VARS1: variants seen among roughly 807,000 people sequenced by gnomAD.
VARS1 encodes the protein valyl-tRNA synthetase 1.
A neutral mutation model predicts 161.0 loss-of-function variants in VARS1; 92 were observed. The ratio of observed to expected loss-of-function variants is 0.57; its 90% CI spans 0.48 to 0.68. The LOEUF (loss-of-function observed/expected upper bound fraction) is 0.68, where lower values mean the gene tolerates loss of function less well. Among genes scored for constraint, VARS1 ranks in the 30% least tolerant of loss-of-function variants. The pLI is 0.00. For synonymous variants in VARS1, 595 were observed against 682.5 expected, an observed-to-expected ratio of 0.87 and a Z score of 2.00; for missense variants, 1,338 against 1,695.9, an observed-to-expected ratio of 0.79 and a Z score of 3.71.
Position 31,791,664 on chromosome 6 carries a change from G to C in VARS1, c.1046C>G (p.Ser349Cys), listed in dbSNP as rs1274865582. Residue 349 changes from serine (S) to cysteine (C), a missense_variant, in exon 8 of 30, where the codon TCC becomes TGC. This residue lies in a region of VARS1 where 902 missense variants were observed against 1,090.3 expected (regional missense o/e 0.83). Transcript: ENST00000375663. This position sits in a 1 kb window ranked among gnomAD's most constrained non-coding sequence, Gnocchi z 5.0. ...MCIPPPNVTGSLHLGHALTNA... is the reference protein window; with the variant it reads ...MCIPPPNVTGCLHLGHALTNA... Reference sequence around the variant, plus strand: ...GGTGAGTGCATGGCCCAGGTGCAGGGAGCCTGTCACATTGGGGGGTGGGAT... The same window carrying C: ...GGTGAGTGCATGGCCCAGGTGCAGGCAGCCTGTCACATTGGGGGGTGGGAT... The C allele has an allele frequency of 6.2e-7, 1 of 1,613,018 alleles. No individual in the cohort carries two copies. Among genetic ancestry groups the C allele is most frequent in the Non-Finnish European group, 8.5e-7 (1 of 1,179,994 alleles).
In VARS1 at chr6:31,778,717, G is replaced by A. The variant is rs1812900909; in HGVS notation, c.3726+250C>T. On this transcript the variant is annotated intron_variant, in intron 29 of 29. Coordinates refer to ENST00000375663, the MANE Select transcript of VARS1 (RefSeq NM_006295.3). The surrounding 1 kb of genome is among the most constrained non-coding windows in gnomAD (Gnocchi z 5.1). ...TGTAGAGATGGGATTTCACCATGTTGGCTGGTCTCAAACCCCTGGGCTCAA... is the reference window on the plus strand; with the variant it reads ...TGTAGAGATGGGATTTCACCATGTTAGCTGGTCTCAAACCCCTGGGCTCAA... 1 of 571,174 alleles carries A rather than the reference G, an allele frequency of 1.8e-6. No homozygotes were observed. The highest frequency in any genetic ancestry group is 3.4e-5 in the Admixed American group (1 of 29,768). 35.4% of individuals were successfully genotyped at this position (571,174 alleles called of 1,614,324 possible).
rs371919645 is a variant in VARS1, at chr6:31,781,471, G to A, written c.2544+10C>T. ...TGGGGGCGATGGGAGGGTCTCGGCT[G>A]TCTCCGCACCTCTCTAAAGGGCAGC... is the stretch of plus-strand genomic sequence containing the variant. On this transcript the variant is annotated intron_variant, in intron 21 of 29. Coordinates refer to ENST00000375663, the MANE Select transcript of VARS1 (RefSeq NM_006295.3). This position sits in a 1 kb window ranked among gnomAD's most constrained non-coding sequence, Gnocchi z 6.8. 10 of 1,611,212 alleles carry A rather than the reference G, an allele frequency of 6.2e-6. No individual in the cohort carries two copies. In the South Asian group the frequency reaches 7.7e-5, roughly 12 times the overall value.
chr6:31,792,007 T>C, intron 6 of VARS1, 36 bp from the exon 7 acceptor site: 1 of 1,533,040 alleles, frequency 6.5e-7, no homozygotes, highest in Non-Finnish European at 8.8e-7. Flanking sequence ...GTGCCGTGGC[T>C]GGGAGCACTC....
In VARS1 at chr6:31,780,911, T is replaced by C. The variant is rs145065419; in HGVS notation, c.2677A>G (p.Asn893Asp). The change falls in exon 23 of 30, where the codon AAC becomes GAC. Residue 893 changes from asparagine to aspartate, a missense_variant. Transcript: ENST00000375663. The surrounding 1 kb of genome is among the most constrained non-coding windows in gnomAD (Gnocchi z 5.1). ...QGLHNQLLNS[N>D]LDPSEVEKAK... ...TTCTCCACCTCGCTGGGATCCAGGT[T>C]GCTGTTCAGCAGCTGGTTGTGGAGG... The C allele has an allele frequency of 6.2e-7, 1 of 1,614,168 alleles. No individual in the cohort carries two copies.
chr6:31,792,710 A>G, intron 4 of VARS1, 47 bp downstream of exon 4: 1 of 1,606,114 alleles, frequency 6.2e-7, no homozygotes, highest in Non-Finnish European at 8.5e-7. Flanking sequence ...AGTTGCATGG[A>G]AGGCCCCAGG....
At chr6:31,783,664 C>T (rs1178192627) in intron 13 of VARS1, among the ~76,000 whole-genome samples, 6 of 142,788 alleles carry the variant, frequency 4.2e-5, no homozygotes, top group African/African-American at 1.3e-4. Context: ...CTCTATTTAA[C>T]TTTTTTTTTT....
chr6:31,781,839 C>T lies in VARS1; in HGVS notation c.2347+8G>A, dbSNP rs375095621. On this transcript the variant is annotated splice_region_variant and intron_variant, in intron 19 of 29. Transcript: ENST00000375663. This position sits in a 1 kb window ranked among gnomAD's most constrained non-coding sequence, Gnocchi z 6.8. ...AACTCCCTCCAGACCCTCAAAGCCC[C>T]GCCTTGCCTTGCTGGAGACTGATCT... is the stretch of plus-strand genomic sequence containing the variant. 8.7e-6 allele frequency: 14 copies of T among 1,612,940 alleles called. No homozygotes were observed. The highest frequency in any genetic ancestry group is 1.7e-5 in the Admixed American group (1 of 60,014).
At chr6:31,788,801 T>G (rs1375022607) in intron 8 of VARS1, among the ~76,000 whole-genome samples, 1 of 151,794 alleles carries the variant, frequency 6.6e-6, no homozygotes, top group Admixed American at 6.6e-5. Flanking sequence ...AGAGAGAGAC[T>G]CTGTCTCAAA....
At chr6:31,793,219 A>G in intron 2 of VARS1, 99 bp from the exon 3 acceptor site, 1 of 1,435,548 alleles carries the variant, frequency 7.0e-7, no homozygotes, top group Non-Finnish European at 9.2e-7. Flanking sequence ...ACTCTCACAA[A>G]TCACCACCTC....
intron 8 of VARS1, among the ~76,000 whole-genome samples, chr6:31,789,027 T>C (rs1262471124): frequency 6.6e-6 from 1 of 151,892 alleles, no homozygotes; most frequent in African/African-American, 2.4e-5. Flanking sequence ...AACCCTGGTT[T>C]CCAAAAATGG....
chr6:31,795,353 A>G lies in VARS1; in HGVS notation c.-33-103T>C. The G allele has an allele frequency of 6.2e-6, 5 of 806,408 alleles. No individual in the cohort carries two copies. Among genetic ancestry groups the G allele is most frequent in the Non-Finnish European group, 8.5e-6 (5 of 588,000 alleles). 50.0% of individuals were successfully genotyped at this position (806,408 alleles called of 1,614,324 possible). A position where few individuals can be genotyped will look rare whatever the true frequency, so the allele number is the denominator to read the frequency against. On this transcript the variant is annotated intron_variant, in intron 1 of 29. Transcript: ENST00000375663. The surrounding 1 kb of genome is among the most constrained non-coding windows in gnomAD (Gnocchi z 6.9). Reference sequence around the variant, plus strand: ...GGAGCTCCTTCGCCGCAGACACCCGAGTCCCATAGGACTGAGGGTCTGACC... The same window carrying G: ...GGAGCTCCTTCGCCGCAGACACCCGGGTCCCATAGGACTGAGGGTCTGACC...
Position 31,785,605 on chromosome 6 carries a change from T to G in VARS1, c.1229A>C (p.Glu410Ala). 6.2e-7 allele frequency: 1 copy of G among 1,612,522 alleles called. No individual in the cohort carries two copies. The highest frequency in any genetic ancestry group is 8.5e-7 in the Non-Finnish European group (1 of 1,179,786). The change falls in exon 9 of 30, where the codon GAG becomes GCG. Residue 410 changes from glutamate (E) to alanine (A), a missense_variant. Around this residue, in one of 3 missense-constraint regions of VARS1, gnomAD observed 902 missense variants for 1,090.3 expected, o/e 0.83. Coordinates refer to ENST00000375663, the MANE Select transcript of VARS1 (RefSeq NM_006295.3). This position sits in a 1 kb window ranked among gnomAD's most constrained non-coding sequence, Gnocchi z 6.1. ...QGLSRHQLGR[E>A]AFLQEVWKWK... is the part of the protein sequence containing the mutation. ...CTTCCAGACTTCCTGTAGAAAGGCC[T>G]CGCGGCCCAGCTGGTGCCGGCTCAG...
rs550549569 is a variant in VARS1 at position 31,791,411 on chromosome 6, A to G, written c.1100+199T>C. ...AAGAAGGGATAGAAGAGAGTCTGCA[A>G]GTGGCGGTGTTGCATGGGAGTACTG... On this transcript the variant is annotated intron_variant, in intron 8 of 29. Transcript: ENST00000375663. This position sits in a 1 kb window ranked among gnomAD's most constrained non-coding sequence, Gnocchi z 5.0. Among the ~76,000 whole-genome samples the G allele has an allele frequency of 5.3e-5, 8 of 152,290 alleles. No homozygotes were observed. Among genetic ancestry groups the G allele is most frequent in the African/African-American group, 1.9e-4 (8 of 41,554 alleles).
In VARS1 at chr6:31,785,401, G is replaced by A; in HGVS notation, c.1266-74C>T. ...GACATCAGGTGGCTGACTGGGCAGT[G>A]TGGAGATCACCCATCCCCCTGAAAT... On this transcript the variant is annotated intron_variant, in intron 9 of 29. Transcript: ENST00000375663. The surrounding 1 kb of genome is among the most constrained non-coding windows in gnomAD (Gnocchi z 6.1). 6.3e-7 allele frequency: 1 copy of A among 1,587,756 alleles called. No individual in the cohort carries two copies.
rs1458740287 is a variant in VARS1 at position 31,779,839 on chromosome 6, C to T, written c.3082-25G>A. On this transcript the variant is annotated intron_variant, in intron 26 of 29. Coordinates refer to ENST00000375663, the MANE Select transcript of VARS1 (RefSeq NM_006295.3). The surrounding 1 kb of genome is among the most constrained non-coding windows in gnomAD (Gnocchi z 9.1). ...CCTAGGGGACGAGAGGTACAGGGCT[C>T]ACGGCTGGAGGTCTAGCCTTGAGCC... The T allele has an allele frequency of 8.7e-6, 14 of 1,611,902 alleles. No individual in the cohort carries two copies. Among genetic ancestry groups the T allele is most frequent in the Admixed American group, 3.3e-5 (2 of 59,954 alleles).
intron 13 of VARS1, among the ~76,000 whole-genome samples, chr6:31,783,535 T>C (rs968524546): frequency 6.6e-6 from 1 of 151,206 alleles, no homozygotes; most frequent in East Asian, 2.0e-4. Flanking sequence ...AATAAAAGCA[T>C]GAAGGGGCCT....
rs778683620 is a variant in VARS1 at position 31,780,099 on chromosome 6, CCT to C, written c.2978_2979del (p.Glu993GlyfsTer28). 2 of 1,614,110 alleles carry C rather than the reference CCT, an allele frequency of 1.2e-6. No homozygotes were observed. The highest frequency in any genetic ancestry group is 1.7e-6 in the Non-Finnish European group (2 of 1,180,040). ...VDRWIRSRLT[E>X]AVRLSNQGFQ... is the part of the protein sequence containing the mutation. ...AAGCCTTGATTGCTGAGCCTCACAG[CCT>C]CTGTCAGGCGGCTGCGGATCCAGCG... is the stretch of plus-strand genomic sequence containing the variant. On this transcript the variant is annotated frameshift_variant, in exon 26 of 30. Transcript: ENST00000375663. LOFTEE classifies it high-confidence loss of function. The surrounding 1 kb of genome is among the most constrained non-coding windows in gnomAD (Gnocchi z 5.1).
At position 31,779,815 on chromosome 6, in the gene VARS1, C is replaced by T; in HGVS notation, c.3082-1G>A. ...CATTCAGTACAGGTTTCAGGCACTC[C>T]TAGGGGACGAGAGGTACAGGGCTCA... On this transcript the variant is annotated splice_acceptor_variant, in intron 26 of 29. Coordinates refer to ENST00000375663, the MANE Select transcript of VARS1 (RefSeq NM_006295.3). LOFTEE classifies it high-confidence loss of function. This position sits in a 1 kb window ranked among gnomAD's most constrained non-coding sequence, Gnocchi z 9.1. 2 of 1,612,802 alleles carry T rather than the reference C, an allele frequency of 1.2e-6. No homozygotes were observed. The highest frequency in any genetic ancestry group is 1.7e-6 in the Non-Finnish European group (2 of 1,179,890).
chr6:31,778,629 C>T lies in VARS1; in HGVS notation c.3726+338G>A, dbSNP rs1369988979. 1.3e-5 allele frequency among the ~76,000 whole-genome samples: 2 copies of T among 152,154 alleles called. No individual in the cohort carries two copies. Among genetic ancestry groups the T allele is most frequent in the Non-Finnish European group, 2.9e-5 (2 of 68,038 alleles). On this transcript the variant is annotated intron_variant, in intron 29 of 29. Coordinates refer to ENST00000375663, the MANE Select transcript of VARS1 (RefSeq NM_006295.3). This position sits in a 1 kb window ranked among gnomAD's most constrained non-coding sequence, Gnocchi z 5.1. ...GGCTCAAGCAATCCGCCCACCTCAG[C>T]CCCCCGAGTAGCTGGGACCCCAAGT...
Sources: allele counts gnomAD v4.1 joint callset (sites outside exome capture counted in the v4.1 genomes callset), GRCh38; gene constraint gnomAD v4.1.1; regional missense constraint gnomAD v4.1.1; non-coding constraint Gnocchi (gnomAD v3.1); transcripts MANE v1.5; gene names NCBI Gene and HGNC (gene_info 2026-07-23, HGNC 2026-07-21).